RNF123: variants seen among roughly 807,000 people sequenced by gnomAD.
RNF123 encodes ring finger protein 123.
RNF123 carries 86 observed loss-of-function variants against 168.5 expected under a neutral mutation model. The ratio of observed to expected loss-of-function variants is 0.51; its 90% CI spans 0.43 to 0.61. RNF123 has a LOEUF of 0.61. RNF123 is among the 20% of genes least tolerant of loss of function. The probability of loss-of-function intolerance (pLI) is 0.00; values close to 1 mark genes in which losing one functional copy is unlikely to be tolerated. For missense variants in RNF123, 1,419 were observed against 1,729.7 expected (o/e 0.82, Z 3.19); for synonymous variants, 666 against 689.1 (o/e 0.97, Z 0.52).
chr3:49,702,991 T>C (rs2054437552), intron 20 of RNF123, among the ~76,000 whole-genome samples: 1 of 152,166 alleles, frequency 6.6e-6, no homozygotes, highest in African/African-American at 2.4e-5. Flanking sequence ...GCTCCTACCA[T>C]TGTGGGCTCT....
chr3:49,700,086 G>A, intron 12 of RNF123, 141 bp from the exon 13 acceptor site: 3 of 1,229,716 alleles, frequency 2.4e-6, no homozygotes, highest in South Asian at 3.0e-5. Context: ...TCAGACCCCG[G>A]AAGGGGTCAT....
chr3:49,720,712 T>C, intron 36 of RNF123, 59 bp downstream of exon 36: 1 of 1,604,402 alleles, frequency 6.2e-7, no homozygotes, highest in Non-Finnish European at 8.5e-7. Flanking sequence ...TCAGGAGCCT[T>C]AAGAACAGCA....
chr3:49,708,934 A>T (rs183478011), intron 26 of RNF123, among the ~76,000 whole-genome samples: 21 of 152,254 alleles, frequency 1.4e-4, no homozygotes, highest in Non-Finnish European at 1.5e-5. Flanking sequence ...ACTGTATCAT[A>T]TGGTAATTCT....
At chr3:49,712,727 C>A in intron 27 of RNF123, 71 bp downstream of exon 27, 2 of 1,540,064 alleles carry the variant, frequency 1.3e-6, no homozygotes, top group Non-Finnish European at 1.8e-6. Flanking sequence ...GAGCCCTGGT[C>A]TGAGACCTCT....
At chr3:49,698,199 C>T in intron 7 of RNF123, 62 bp downstream of exon 7, 14 of 1,436,584 alleles carry the variant, frequency 9.7e-6, no homozygotes, top group Non-Finnish European at 1.4e-5. Flanking sequence ...CCACAGGCCT[C>T]ATCAGGTCTC....
At chr3:49,694,099 T>A (rs1209082396) in intron 3 of RNF123, among the ~76,000 whole-genome samples, 1 of 152,252 alleles carries the variant, frequency 6.6e-6, no homozygotes, top group African/African-American at 2.4e-5. Flanking sequence ...AGAAGCTTTT[T>A]AACTTCATGT....
intron 35 of RNF123, chr3:49,718,117 A>C: frequency 6.2e-7 from 1 of 1,613,506 alleles, no homozygotes; most frequent in Non-Finnish European, 8.5e-7. Context: ...GTGCTTGTGG[A>C]CGCTGGCCTT....
intron 3 of RNF123, 93 bp downstream of exon 3, chr3:49,691,602 C>G (rs2054168279): frequency 2.0e-6 from 2 of 977,560 alleles, no homozygotes; most frequent in Non-Finnish European, 3.2e-6. Context: ...GGGCTCTGGA[C>G]AGATAGGCTT....
Position 49,706,888 on chromosome 3 carries a change from T to C in RNF123, c.2486T>C (p.Val829Ala). The C allele has an allele frequency of 6.2e-7, 1 of 1,613,958 alleles. No homozygotes were observed. The highest frequency in any genetic ancestry group is 8.5e-7 in the Non-Finnish European group (1 of 1,179,822). ...CGTCTTGCCTGGGTCCATGCCACTGTCTACTCCCAGGTGTGCTGGTATTGC... is the reference window on the plus strand; with the variant it reads ...CGTCTTGCCTGGGTCCATGCCACTGCCTACTCCCAGGTGTGCTGGTATTGC... ...SRRLAWVHAT[V>A]YSQEKMLDIY... The change falls in exon 26 of 39, where the codon GTC becomes GCC. Residue 829 changes from valine (V) to alanine (A), a missense_variant. Val to Ala is a moderately conservative substitution (Grantham distance 64). Around this residue, in one of 5 missense-constraint regions of RNF123, gnomAD observed 538 missense variants for 708.8 expected, o/e 0.76. Transcript: ENST00000327697.
chr3:49,707,380 A>T (rs1313962523), intron 26 of RNF123, among the ~76,000 whole-genome samples: 1 of 152,140 alleles, frequency 6.6e-6, no homozygotes, highest in African/African-American at 2.4e-5. Context: ...GCTGTCCTGG[A>T]ACTAGGGACA....
At chr3:49,695,912 C>T (rs1236590648) in intron 3 of RNF123, among the ~76,000 whole-genome samples, 1 of 152,170 alleles carries the variant, frequency 6.6e-6, no homozygotes, top group East Asian at 1.9e-4. Flanking sequence ...GATGAGGGGG[C>T]CACCCAGACA....
In RNF123 at chr3:49,699,551, G is replaced by A. The variant is rs752283211; in HGVS notation, c.848G>A (p.Arg283Gln). ...GCACAGAGGTTGCTGGGCTGCTTCC[G>A]GGCAGTGCTGAGTGTGGAGCTGGAC... is the stretch of plus-strand genomic sequence containing the variant. ...VRAQRLLGCF[R>Q]AVLSVELDPV... Residue 283 changes from arginine (R) to glutamine (Q), a missense_variant, in exon 11 of 39, where the codon CGG becomes CAG. Around this residue, in one of 5 missense-constraint regions of RNF123, gnomAD observed 318 missense variants for 446.6 expected, o/e 0.71. Coordinates refer to ENST00000327697, the MANE Select transcript of RNF123 (RefSeq NM_022064.5). The surrounding 1 kb of genome is among the most constrained non-coding windows in gnomAD (Gnocchi z 4.8). 1.1e-5 allele frequency: 18 copies of A among 1,613,154 alleles called. No homozygotes were observed. In the Admixed American group the frequency reaches 1.5e-4, roughly 13 times the overall value.
chr3:49,718,561 G>T lies in RNF123; in HGVS notation c.3501-1950G>T. 6.2e-7 allele frequency: 1 copy of T among 1,613,168 alleles called. No individual in the cohort carries two copies. Among genetic ancestry groups the T allele is most frequent in the Non-Finnish European group, 8.5e-7 (1 of 1,179,966 alleles). On this transcript the variant is annotated intron_variant, in intron 35 of 38. Transcript: ENST00000327697. The stretch of plus-strand genomic sequence containing the variant: ...GGCAATGCGCATGGCCGGGACGCTG[G>T]TGTTGCAGTAAAGCCTCAGGGACCG...
In RNF123 at chr3:49,715,717, G is replaced by A. The variant is rs763320976; in HGVS notation, c.3150+3G>A. 9.4e-5 allele frequency: 152 copies of A among 1,614,124 alleles called. No homozygotes were observed. The highest frequency in any genetic ancestry group is 4.9e-4 in the Middle Eastern group (3 of 6,084). The stretch of plus-strand genomic sequence containing the variant: ...AATTCATTGGCATGATCCAAGAGGT[G>A]GGCTGTGGTGGGGCCTCGTGGGTTA... On this transcript the variant is annotated splice_donor_region_variant and intron_variant, in intron 32 of 38. Transcript: ENST00000327697.
intron 25 of RNF123, among the ~76,000 whole-genome samples, chr3:49,706,274 A>G (rs1240871955): frequency 1.3e-5 from 2 of 152,206 alleles, no homozygotes; most frequent in East Asian, 1.9e-4. Context: ...CCTGGGCCCA[A>G]TAAGTGCTGA....
intron 21 of RNF123, 111 bp downstream of exon 21, chr3:49,703,639 A>G (rs2054454700): frequency 1.3e-6 from 1 of 790,830 alleles, no homozygotes; most frequent in Non-Finnish European, 2.0e-6. Context: ...GAGGGTGCCC[A>G]AGTCTTTCCA....
At chr3:49,718,976 G>C in intron 35 of RNF123, 1 of 1,613,850 alleles carries the variant, frequency 6.2e-7, no homozygotes, top group Non-Finnish European at 8.5e-7. Flanking sequence ...TTGCAGCCCA[G>C]GTAGAGATGG....
chr3:49,720,825 G>A lies in RNF123; in HGVS notation c.3669G>A (p.Glu1223=). ...ATGCGGATTATATCAGTGCCGATGA[G>A]CTGGCCCAAGTGGAACAGATGCTGG... The part of the protein sequence containing the change: ...QSYADYISAD[E]LAQVEQMLAH... Residue 1223 remains glutamate, a synonymous_variant, in exon 37 of 39, where the codon GAG becomes GAA. Coordinates refer to ENST00000327697, the MANE Select transcript of RNF123 (RefSeq NM_022064.5). 6.2e-7 allele frequency: 1 copy of A among 1,614,196 alleles called. No homozygotes were observed. The highest frequency in any genetic ancestry group is 1.3e-5 in the African/African-American group (1 of 75,038).
intron 30 of RNF123, 23 bp from the exon 31 acceptor site, chr3:49,714,067 G>A (rs78230571): frequency 0.013 from 20,875 of 1,613,946 alleles, 143 homozygotes; most frequent in Non-Finnish European, 0.015. Flanking sequence ...CATTGACCTG[G>A]GCACTGACCC....
Sources: gnomAD v4.1 joint callset for allele counts (sites outside exome capture counted in the v4.1 genomes callset) on GRCh38, gnomAD v4.1.1 for gene constraint, gnomAD v4.1.1 regional missense constraint, Gnocchi (gnomAD v3.1) non-coding constraint, MANE v1.5 for transcripts, NCBI Gene and HGNC (gene_info 2026-07-23, HGNC 2026-07-21) for gene names.